Variants in THUMPD2 observed in about 807,000 individuals in gnomAD.
THUMPD2 encodes the protein U6 snRNA (guanine-N(2))-methyltransferase THUMPD2.
In THUMPD2, 56 loss-of-function variants were observed where a neutral mutation model predicts 49.4. That is an observed-to-expected ratio of 1.13 (90% CI 0.91 to 1.41). The LOEUF is 1.41. Ranked by LOEUF, THUMPD2 falls within the 40% of genes most tolerant of loss-of-function variation. THUMPD2 has a pLI of 0.00. For missense variants in THUMPD2, 709 were observed against 594.5 expected (o/e 1.19, Z -2.00); for synonymous variants, 237 against 205.2 (o/e 1.15, Z -1.32).
chr2:39,743,776 C>T (rs1026766810), intron 9 of THUMPD2, among the ~76,000 whole-genome samples: 3 of 152,214 alleles, frequency 2.0e-5, no homozygotes, highest in Admixed American at 6.5e-5. Flanking sequence ...TGGCACTGTG[C>T]TTCTTTTACA....
chr2:39,779,010 A>G (rs2148373959), intron 1 of THUMPD2, 104 bp downstream of exon 1: 1 of 1,324,950 alleles, frequency 7.5e-7, no homozygotes, highest in Non-Finnish European at 9.7e-7. Flanking sequence ...CGCGTGGAAC[A>G]GAGAGGGGCG....
Position 39,736,620 on chromosome 2 carries a change from G to T in THUMPD2, c.*115C>A. 1.1e-6 allele frequency: 1 copy of T among 874,506 alleles called. No individual in the cohort carries two copies. Among genetic ancestry groups the T allele is most frequent in the Non-Finnish European group, 1.7e-6 (1 of 583,556 alleles). 54.2% of individuals were successfully genotyped at this position (874,506 alleles called of 1,614,324 possible). ...CCCATCAGCCACACCTCCTGTCTTT[G>T]GGGGAATTTGGTTACTTGGAGCTCT... On this transcript the variant is annotated 3_prime_UTR_variant, in exon 10 of 10. Coordinates refer to ENST00000505747, the MANE Select transcript of THUMPD2 (RefSeq NM_025264.5).
At chr2:39,767,183 T>C (rs1298123486) in intron 4 of THUMPD2, among the ~76,000 whole-genome samples, 3 of 152,300 alleles carry the variant, frequency 2.0e-5, no homozygotes, top group East Asian at 1.9e-4. Flanking sequence ...ATTAATTGCA[T>C]TAAATGGCTG....
chr2:39,761,662 C>T (rs904626148), intron 5 of THUMPD2, among the ~76,000 whole-genome samples: 3 of 152,128 alleles, frequency 2.0e-5, no homozygotes, highest in Non-Finnish European at 2.9e-5. Context: ...TTTACACTCT[C>T]ACGTATTTAA....
chr2:39,762,104 T>C (rs6753279), intron 5 of THUMPD2, among the ~76,000 whole-genome samples: 2,463 of 152,268 alleles, frequency 0.016, 77 homozygotes, highest in African/African-American at 0.056. Flanking sequence ...TCTGTCTTTC[T>C]AATGCAATGA....
In THUMPD2 at chr2:39,736,630, G is replaced by T; in HGVS notation, c.*105C>A. ...ACACCTCCTGTCTTTGGGGGAATTT[G>T]GTTACTTGGAGCTCTGTGGGTGCTA... On this transcript the variant is annotated 3_prime_UTR_variant, in exon 10 of 10. Coordinates refer to ENST00000505747, the MANE Select transcript of THUMPD2 (RefSeq NM_025264.5). The T allele has an allele frequency of 1.0e-6, 1 of 993,358 alleles. No individual in the cohort carries two copies. The highest frequency in any genetic ancestry group is 1.4e-6 in the Non-Finnish European group (1 of 690,340). The allele number at this position is 993,358 out of a possible 1,614,324, so 61.5% of individuals were successfully genotyped here.
Position 39,755,781 on chromosome 2 carries a change from T to G in THUMPD2, c.963+108A>C, listed in dbSNP as rs1475500630. On this transcript the variant is annotated intron_variant, in intron 7 of 9. Coordinates refer to ENST00000505747, the MANE Select transcript of THUMPD2 (RefSeq NM_025264.5). Reference sequence around the variant, plus strand: ...TTGAGTAAATAATAACTCATATAATTAAAAATAATCCCCAAATAGACATTC... The same window carrying G: ...TTGAGTAAATAATAACTCATATAATGAAAAATAATCCCCAAATAGACATTC... The G allele has an allele frequency of 1.3e-5, 12 of 890,126 alleles. No individual in the cohort carries two copies. The East Asian group carries it at 2.9e-4, about 22-fold the overall frequency. The allele number at this position is 890,126 out of a possible 1,614,324, so 55.1% of individuals were successfully genotyped here.
intron 6 of THUMPD2, among the ~76,000 whole-genome samples, chr2:39,756,551 C>A (rs1676154506): frequency 6.6e-6 from 1 of 151,220 alleles, no homozygotes; most frequent in African/African-American, 2.4e-5. Context: ...GAGGGATGAG[C>A]ACAGGTGGTA....
At chr2:39,776,317 C>G (rs548003557) in intron 1 of THUMPD2, among the ~76,000 whole-genome samples, 1 of 151,898 alleles carries the variant, frequency 6.6e-6, no homozygotes, top group South Asian at 2.1e-4. Context: ...CTAGATAAAA[C>G]TTACAGAATT....
chr2:39,778,903 A>G (rs1679474983), intron 1 of THUMPD2, among the ~76,000 whole-genome samples: 1 of 152,242 alleles, frequency 6.6e-6, no homozygotes, highest in Non-Finnish European at 1.5e-5. Flanking sequence ...CTGAGAAGTG[A>G]GGAACTGGAT....
At position 39,749,557 on chromosome 2, in the gene THUMPD2, G is replaced by T. The variant is rs1202693487; in HGVS notation, c.1079-5079C>A. On this transcript the variant is annotated intron_variant, in intron 8 of 9. Transcript: ENST00000505747. ...TTTCTTCAGTTGCATGTGATAAATT[G>T]TTGGCTTTGGGCCTAGCATTCTTAG... 2.0e-5 allele frequency among the ~76,000 whole-genome samples: 3 copies of T among 152,198 alleles called. 1 individual carries two copies. The highest frequency in any genetic ancestry group is 2.0e-4 in the Admixed American group (3 of 15,290).
intron 8 of THUMPD2, among the ~76,000 whole-genome samples, chr2:39,751,660 A>G (rs1236615013): frequency 6.6e-6 from 1 of 150,610 alleles, no homozygotes; most frequent in African/African-American, 2.4e-5. Flanking sequence ...ATAAATACAT[A>G]TGATTTATTC....
At chr2:39,749,183 G>T (rs1360306158) in intron 8 of THUMPD2, among the ~76,000 whole-genome samples, 1 of 152,122 alleles carries the variant, frequency 6.6e-6, no homozygotes, top group Non-Finnish European at 1.5e-5. Flanking sequence ...TAAGCACACA[G>T]ATTGGCAATG....
At position 39,744,462 on chromosome 2, in the gene THUMPD2, T is replaced by C; in HGVS notation, c.1095A>G (p.Ser365=). Residue 365 remains serine (S), a synonymous_variant, in exon 9 of 10, where the codon TCA becomes TCG. Transcript: ENST00000505747. ...KISVIELPLP[S]ESVDIIISDI... ...CAGAAATAATAATATCAACACTTTC[T>C]GAAGGCAATGGCAATTCTGAAATAT... The C allele has an allele frequency of 6.3e-7, 1 of 1,575,320 alleles. No homozygotes were observed. The highest frequency in any genetic ancestry group is 2.4e-5 in the East Asian group (1 of 42,064).
chr2:39,775,635 C>T (rs1256122479), intron 1 of THUMPD2, among the ~76,000 whole-genome samples: 1 of 151,650 alleles, frequency 6.6e-6, no homozygotes, highest in Admixed American at 6.6e-5. Context: ...ATTAGCTGGG[C>T]ACCTGTAATC....
At chr2:39,760,213 G>C (rs1301316228) in intron 6 of THUMPD2, among the ~76,000 whole-genome samples, 5 of 152,168 alleles carry the variant, frequency 3.3e-5, no homozygotes, top group Non-Finnish European at 7.4e-5. Context: ...TCTCACTGTA[G>C]AGAGGAGAAG....
At chr2:39,774,761 C>T (rs998313953) in intron 1 of THUMPD2, among the ~76,000 whole-genome samples, 4 of 152,020 alleles carry the variant, frequency 2.6e-5, no homozygotes, top group African/African-American at 9.7e-5. Context: ...ATATTTCATT[C>T]TCATGTTTCT....
At chr2:39,763,589 C>T (rs2148303877) in intron 5 of THUMPD2, among the ~76,000 whole-genome samples, 1 of 152,196 alleles carries the variant, frequency 6.6e-6, no homozygotes, top group Non-Finnish European at 1.5e-5. Context: ...TTCTAGACTC[C>T]TTAACTATTT....
chr2:39,737,578 T>C (rs1673268267), intron 9 of THUMPD2, among the ~76,000 whole-genome samples: 1 of 152,200 alleles, frequency 6.6e-6, no homozygotes. Context: ...TCCCGTGACA[T>C]AGCCCTGTAA....
Sources: allele counts gnomAD v4.1 joint callset (sites outside exome capture counted in the v4.1 genomes callset), GRCh38; gene constraint gnomAD v4.1.1; transcripts MANE v1.5; gene names NCBI Gene and HGNC (gene_info 2026-07-23, HGNC 2026-07-21).